The following GPAT3 variants were observed in gnomAD, a reference collection of about 807,000 sequenced individuals.
GPAT3 encodes the protein 1-AGP acyltransferase 9.
In GPAT3, 53 loss-of-function variants were observed where a neutral mutation model predicts 58.8. That is an observed-to-expected ratio of 0.90 (90% CI 0.72 to 1.13). The LOEUF is 1.13. GPAT3 is among the 50% of genes most tolerant of loss of function. The pLI is 0.00. For synonymous variants in GPAT3, 197 were observed against 187.4 expected, an observed-to-expected ratio of 1.05 and a Z score of -0.42; for missense variants, 511 against 527.6, an observed-to-expected ratio of 0.97 and a Z score of 0.31.
rs138199995 is a variant in GPAT3, at chr4:83,537,625, G to GTGTA, written c.141+863_141+864insGTAT. 3.1e-3 allele frequency among the ~76,000 whole-genome samples: 458 copies of GTGTA among 147,672 alleles called. 2 individuals are homozygous for GTGTA. Among genetic ancestry groups the GTGTA allele is most frequent in the African/African-American group, 0.011 (429 of 39,290 alleles). On this transcript the variant is annotated intron_variant, in intron 1 of 11. Coordinates refer to ENST00000264409, the MANE Select transcript of GPAT3 (RefSeq NM_032717.5). ...TGTGTGTGTGTGTGTGTGTGTGTGT[G>GTGTA]TATATTTAACATAAGAGACAGGGTC...
At chr4:83,603,314 A>T (rs1025491428) in intron 11 of GPAT3, among the ~76,000 whole-genome samples, 11 of 152,206 alleles carry the variant, frequency 7.2e-5, no homozygotes, top group African/African-American at 2.7e-4. Flanking sequence ...AAGCATGCAG[A>T]GTTCTTATAC....
intron 4 of GPAT3, among the ~76,000 whole-genome samples, chr4:83,587,596 C>G (rs1164855624): frequency 6.6e-6 from 1 of 151,852 alleles, no homozygotes; most frequent in Non-Finnish European, 1.5e-5. Flanking sequence ...CCAGCTAATT[C>G]TTTGTATTTT....
At chr4:83,592,017 C>A (rs1726620060) in intron 6 of GPAT3, among the ~76,000 whole-genome samples, 2 of 152,104 alleles carry the variant, frequency 1.3e-5, no homozygotes, top group African/African-American at 4.8e-5. Context: ...GGGCTTTAAT[C>A]CATCCATGAG....
intron 3 of GPAT3, among the ~76,000 whole-genome samples, chr4:83,583,667 G>GAAGAAAAAAA (rs760151577): frequency 4.3e-5 from 1 of 23,478 alleles, no homozygotes; most frequent in Non-Finnish European, 7.2e-5. Flanking sequence ...ACTCTTGTCT[G>GAAGAAAAAAA]AAAAAAAAAA....
chr4:83,569,443 G>C (rs1725522398), intron 2 of GPAT3, among the ~76,000 whole-genome samples: 1 of 152,194 alleles, frequency 6.6e-6, no homozygotes, highest in African/African-American at 2.4e-5. Context: ...TGACGGTCCA[G>C]GTTAATAAAG....
At chr4:83,566,446 A>ATTATTT (rs1283956123) in intron 2 of GPAT3, among the ~76,000 whole-genome samples, 18 of 148,386 alleles carry the variant, frequency 1.2e-4, no homozygotes, top group African/African-American at 3.4e-4. Flanking sequence ...TATTATTATT[A>ATTATTT]TTTTTAATAG....
At chr4:83,561,732 CAG>C (rs1725132402) in intron 2 of GPAT3, among the ~76,000 whole-genome samples, 1 of 150,438 alleles carries the variant, frequency 6.6e-6, no homozygotes, top group African/African-American at 2.5e-5. Flanking sequence ...GTTTGTGTGA[CAG>C]AGAGTAAAAA....
At chr4:83,583,667 G>GGAAAAAAAAAAAA (rs1553947553) in intron 3 of GPAT3, among the ~76,000 whole-genome samples, 1 of 23,478 alleles carries the variant, frequency 4.3e-5, no homozygotes, top group African/African-American at 1.9e-4. Context: ...ACTCTTGTCT[G>GGAAAAAAAAAAAA]AAAAAAAAAA....
chr4:83,590,026 G>A (rs1726534849), intron 5 of GPAT3, among the ~76,000 whole-genome samples, 173 bp from the exon 6 acceptor site: 2 of 152,146 alleles, frequency 1.3e-5, no homozygotes, highest in South Asian at 4.2e-4. Flanking sequence ...CCTGGAGGTG[G>A]AGGTTGCCAT....
chr4:83,583,779 A>G (rs1413597727), intron 3 of GPAT3, among the ~76,000 whole-genome samples: 8 of 149,636 alleles, frequency 5.3e-5, no homozygotes, highest in African/African-American at 2.0e-4. Flanking sequence ...GTTCTATGTC[A>G]GCCTGGCCAA....
intron 2 of GPAT3, among the ~76,000 whole-genome samples, chr4:83,580,434 G>A (rs1560622377): frequency 6.6e-6 from 1 of 152,170 alleles, no homozygotes; most frequent in Non-Finnish European, 1.5e-5. Context: ...AATGAAGAAT[G>A]CTACAGTGAA....
At chr4:83,542,655 C>T (rs1185976045) in intron 1 of GPAT3, among the ~76,000 whole-genome samples, 1 of 152,198 alleles carries the variant, frequency 6.6e-6, no homozygotes, top group Non-Finnish European at 1.5e-5. Context: ...AGTCAACAGA[C>T]TCTTTTGAGC....
intron 2 of GPAT3, among the ~76,000 whole-genome samples, chr4:83,551,329 T>C (rs1724740690): frequency 6.6e-6 from 1 of 152,088 alleles, no homozygotes; most frequent in Admixed American, 6.6e-5. Flanking sequence ...TTATTTAAAA[T>C]TTAGAATCAC....
chr4:83,565,088 GTATT>G (rs1049737831), intron 2 of GPAT3, among the ~76,000 whole-genome samples: 1 of 151,632 alleles, frequency 6.6e-6, no homozygotes, highest in Non-Finnish European at 1.5e-5. Flanking sequence ...TCCATTATAT[GTATT>G]TATTTATTTA....
chr4:83,575,034 G>A (rs187877617), intron 2 of GPAT3, among the ~76,000 whole-genome samples: 63 of 151,630 alleles, frequency 4.2e-4, no homozygotes, highest in Admixed American at 9.8e-4. Flanking sequence ...CCGCCACCTC[G>A]CCAGTCTAAT....
At chr4:83,570,157 G>T (rs1725548652) in intron 2 of GPAT3, among the ~76,000 whole-genome samples, 1 of 152,174 alleles carries the variant, frequency 6.6e-6, no homozygotes, top group Admixed American at 6.5e-5. Context: ...GGAAGCACTT[G>T]GTTTTGGAGT....
At chr4:83,561,680 A>G (rs529847962) in intron 2 of GPAT3, among the ~76,000 whole-genome samples, 140 of 152,276 alleles carry the variant, frequency 9.2e-4, no homozygotes, top group African/African-American at 3.2e-3. Context: ...CAAAAAGTAT[A>G]AGCCCAACTG....
chr4:83,601,631 T>C lies in GPAT3; in HGVS notation c.1205+2908T>C, dbSNP rs142363806. On this transcript the variant is annotated intron_variant, in intron 11 of 11. Transcript: ENST00000264409. ...TTAGCTGGGCGCCATGGCGCACACC[T>C]GTAGTCCCAGCTACTCGGGAGGCTG... Among the ~76,000 whole-genome samples the C allele has an allele frequency of 5.2e-3, 798 of 152,348 alleles. 6 individuals carry two copies. The highest frequency in any genetic ancestry group is 0.018 in the African/African-American group (748 of 41,586).
intron 1 of GPAT3, 117 bp downstream of exon 1, chr4:83,536,880 G>T (rs149344934): frequency 1.4e-5 from 13 of 918,490 alleles, no homozygotes; most frequent in African/African-American, 1.2e-4. Context: ...GTGTGCATGC[G>T]TGCGTGCATT....
Sources: allele counts gnomAD v4.1 joint callset (sites outside exome capture counted in the v4.1 genomes callset), GRCh38; gene constraint gnomAD v4.1.1; transcripts MANE v1.5; gene names NCBI Gene and HGNC (gene_info 2026-07-23, HGNC 2026-07-21).